Variants in HDAC9 observed in about 807,000 individuals in gnomAD.
HDAC9 encodes the protein MEF-2 interacting transcription repressor (MITR) protein.
Under a neutral mutation model 139.4 loss-of-function variants are expected in HDAC9, and 41 were observed. The observed-to-expected ratio is 0.29, with a 90% confidence interval of 0.23 to 0.38. The LOEUF (loss-of-function observed/expected upper bound fraction) is 0.38. Ranked by LOEUF, HDAC9 falls within the 10% of genes least tolerant of loss-of-function variation. The probability of loss-of-function intolerance (pLI) is 1.00; values close to 1 mark genes in which losing one functional copy is unlikely to be tolerated. For synonymous variants in HDAC9, 517 were observed against 476.2 expected (o/e 1.09, Z -1.12); for missense variants, 1,147 against 1,297.0 (o/e 0.88, Z 1.78).
Position 18,113,472 on chromosome 7 carries a change from TC to T in HDAC9, c.-97+26260del, listed in dbSNP as rs138374904. Among the ~76,000 whole-genome samples the T allele has an allele frequency of 7.9e-4, 120 of 152,368 alleles. No homozygotes were observed. In the East Asian group the frequency reaches 0.023, roughly 29 times the overall value. On this transcript the variant is annotated intron_variant, in intron 1 of 12. Transcript: ENST00000417496. ...CATTTCCATGGACACGGATTAAGTT[TC>T]TACGAGATGATCAGAAATGGGATAT...
At chr7:18,904,059 G>A (rs891031389) in intron 22 of HDAC9, among the ~76,000 whole-genome samples, 2 of 152,128 alleles carry the variant, frequency 1.3e-5, no homozygotes, top group African/African-American at 4.8e-5. Context: ...CACAATTCCT[G>A]TCCTTCCCCA....
At chr7:18,573,878 G>A (rs1825116268) in intron 2 of HDAC9, among the ~76,000 whole-genome samples, 2 of 152,304 alleles carry the variant, frequency 1.3e-5, no homozygotes, top group Admixed American at 1.3e-4. Context: ...CCTGGGCCTG[G>A]GCTCCCCAAA....
chr7:18,113,017 C>T (rs977754284), intron 1 of HDAC9, among the ~76,000 whole-genome samples: 7 of 151,566 alleles, frequency 4.6e-5, no homozygotes, highest in South Asian at 2.1e-4. Flanking sequence ...TAGAAGAAGG[C>T]GATAAAGAAA....
intron 14 of HDAC9, among the ~76,000 whole-genome samples, chr7:18,761,736 G>A (rs952411106): frequency 3.3e-5 from 5 of 152,086 alleles, no homozygotes; most frequent in African/African-American, 4.8e-5. Context: ...AAATGAAATG[G>A]TATTTATTTA....
At chr7:18,334,270 A>C (rs1303229787) in intron 1 of HDAC9, among the ~76,000 whole-genome samples, 2 of 151,446 alleles carry the variant, frequency 1.3e-5, no homozygotes, top group Non-Finnish European at 3.0e-5. Flanking sequence ...CAAAAGTGTA[A>C]GTATAAAGTA....
intron 13 of HDAC9, among the ~76,000 whole-genome samples, chr7:18,742,247 A>G (rs969778132): frequency 6.6e-6 from 1 of 152,206 alleles, no homozygotes; most frequent in Non-Finnish European, 1.5e-5. Context: ...TGCAAACTTC[A>G]TTGTTATCTT....
chr7:18,256,693 G>C (rs767792279), intron 2 of HDAC9, among the ~76,000 whole-genome samples: 53 of 152,242 alleles, frequency 3.5e-4, no homozygotes, highest in Non-Finnish European at 6.0e-4. Flanking sequence ...TAGGAACTGT[G>C]GTGGGTATAT....
intron 21 of HDAC9, among the ~76,000 whole-genome samples, chr7:18,874,175 A>G (rs2129246525): frequency 6.6e-6 from 1 of 151,968 alleles, no homozygotes; most frequent in African/African-American, 2.4e-5. Context: ...AGGCAGTGGG[A>G]TAAAACAGCC....
intron 1 of HDAC9, among the ~76,000 whole-genome samples, chr7:18,088,870 T>C (rs1781963541): frequency 6.6e-6 from 1 of 152,248 alleles, no homozygotes; most frequent in African/African-American, 2.4e-5. Flanking sequence ...CAACATAATT[T>C]AGTCAGTTGT....
At chr7:18,426,854 C>G (rs1475896202) in intron 1 of HDAC9, among the ~76,000 whole-genome samples, 2 of 152,182 alleles carry the variant, frequency 1.3e-5, no homozygotes, top group East Asian at 3.9e-4. Flanking sequence ...TCTGAGAAAG[C>G]AGACCATTAT....
At chr7:18,665,871 A>G (rs1245081666) in intron 11 of HDAC9, among the ~76,000 whole-genome samples, 1 of 152,104 alleles carries the variant, frequency 6.6e-6, no homozygotes, top group Non-Finnish European at 1.5e-5. Context: ...TTCAACTTTC[A>G]AAACATGTCC....
At chr7:18,336,318 C>T (rs1272862120) in intron 1 of HDAC9, among the ~76,000 whole-genome samples, 1 of 151,546 alleles carries the variant, frequency 6.6e-6, no homozygotes, top group Non-Finnish European at 1.5e-5. Flanking sequence ...TATCCATGTG[C>T]TATATCCTAA....
chr7:18,871,504 T>C (rs1394738880), intron 21 of HDAC9, among the ~76,000 whole-genome samples: 1 of 152,234 alleles, frequency 6.6e-6, no homozygotes, highest in Non-Finnish European at 1.5e-5. Flanking sequence ...TCATCTATTA[T>C]ATATTAAGAA....
In HDAC9 at chr7:18,094,861, G is replaced by A. The variant is rs551683651; in HGVS notation, c.-97+7648G>A. ...AAGTGGCTTCGATTTTAGATAAACA[G>A]GAATAGCCAGCCTGAGAGAATACAT... On this transcript the variant is annotated intron_variant, in intron 1 of 12. Transcript: ENST00000417496. 2.8e-4 allele frequency among the ~76,000 whole-genome samples: 43 copies of A among 152,210 alleles called. 1 individual carries two copies. Among genetic ancestry groups the A allele is most frequent in the Middle Eastern group, 3.4e-3 (1 of 294 alleles).
chr7:18,472,987 A>G (rs970791382), intron 1 of HDAC9, among the ~76,000 whole-genome samples: 5 of 152,178 alleles, frequency 3.3e-5, no homozygotes, highest in African/African-American at 1.2e-4. Context: ...ACAACAATCC[A>G]TATGCACAGC....
At chr7:18,337,123 T>A (rs1388693041) in intron 1 of HDAC9, among the ~76,000 whole-genome samples, 1 of 151,708 alleles carries the variant, frequency 6.6e-6, no homozygotes, top group Non-Finnish European at 1.5e-5. Context: ...CATGAACAAC[T>A]TACTATATTA....
rs59702600 is a variant in HDAC9 at position 18,418,424 on chromosome 7, CAAA to C, written c.-41-77822_-41-77820del. 3.2e-3 allele frequency among the ~76,000 whole-genome samples: 246 copies of C among 76,942 alleles called. 1 individual carries two copies. The highest frequency in any genetic ancestry group is 8.4e-3 in the African/African-American group (204 of 24,332). The allele number at this position is 76,942 out of a possible 152,430, so 50.5% of individuals were successfully genotyped here. The stretch of plus-strand genomic sequence containing the variant: ...TTAAAAATTGGAAAAGTATACAAAC[CAAA>C]AAAAAAAAAAAAAAACTACAGCTAC... On this transcript the variant is annotated intron_variant, in intron 1 of 3. Transcript: ENST00000413509.
intron 9 of HDAC9, among the ~76,000 whole-genome samples, chr7:18,645,378 A>G (rs1224467247): frequency 6.6e-6 from 1 of 152,184 alleles, no homozygotes; most frequent in African/African-American, 2.4e-5. Context: ...TTCAAAGTGA[A>G]TCAATTAGTT....
intron 2 of HDAC9, among the ~76,000 whole-genome samples, chr7:18,276,755 C>T (rs180780638): frequency 1.4e-4 from 21 of 152,254 alleles, no homozygotes; most frequent in Admixed American, 5.9e-4. Flanking sequence ...TGCCTTTCTT[C>T]GTGAGCCAAA....
Sources: allele counts gnomAD v4.1 joint callset (sites outside exome capture counted in the v4.1 genomes callset), GRCh38; gene constraint gnomAD v4.1.1; transcripts MANE v1.5; gene names NCBI Gene and HGNC (gene_info 2026-07-23, HGNC 2026-07-21).